The following SCNN1D variants were observed in gnomAD, a reference collection of about 807,000 sequenced individuals.
The protein encoded by SCNN1D is sodium channel epithelial 1 subunit delta.
In SCNN1D, 104 loss-of-function variants were observed where a neutral mutation model predicts 87.8. That is an observed-to-expected ratio of 1.18 (90% CI 1.01 to 1.39). SCNN1D has a LOEUF of 1.39. Among genes scored for constraint, SCNN1D ranks in the 40% most tolerant of loss-of-function variants. The probability of loss-of-function intolerance (pLI) is 0.00; values close to 1 mark genes in which losing one functional copy is unlikely to be tolerated. For synonymous variants in SCNN1D, 628 were observed against 481.2 expected, an observed-to-expected ratio of 1.31 and a Z score of -3.99; for missense variants, 1,324 against 1,093.9, an observed-to-expected ratio of 1.21 and a Z score of -2.97.
chr1:1,290,387 G>A lies in SCNN1D; in HGVS notation c.1779G>A (p.Trp593Ter), dbSNP rs772734007. The change falls in exon 13 of 18, where the codon TGG (tryptophan) becomes TGA (stop). Residue 593 changes from tryptophan (W) to a stop codon, truncating the protein, a stop_gained and splice_region_variant. Transcript: ENST00000379116. LOFTEE classifies it high-confidence loss of function. ...EYCSSARHPA[W>*]GHCFYRLYQD... is the part of the protein sequence containing the mutation. Reference sequence around the variant, plus strand: ...GCAGCTCTGCCCGGCACCCTGCCTGGGGTGAGTCCTGCTCGCTGCCTCCCA... The same window carrying A: ...GCAGCTCTGCCCGGCACCCTGCCTGAGGTGAGTCCTGCTCGCTGCCTCCCA... The A allele has an allele frequency of 4.4e-6, 7 of 1,604,138 alleles. No individual in the cohort carries two copies. The highest frequency in any genetic ancestry group is 6.0e-6 in the Non-Finnish European group (7 of 1,174,416).
intron 12 of SCNN1D, 125 bp downstream of exon 12, chr1:1,288,162 T>G: frequency 1.4e-6 from 1 of 698,222 alleles, no homozygotes; most frequent in East Asian, 2.8e-5. Flanking sequence ...GCAGTCCCCG[T>G]GGAGGCCCGC....
intron 12 of SCNN1D, among the ~76,000 whole-genome samples, 195 bp downstream of exon 12, chr1:1,288,232 CT>C (rs1188874597): frequency 4.1e-5 from 6 of 144,754 alleles, no homozygotes; most frequent in African/African-American, 8.0e-5. Context: ...CGTGTCTCTG[CT>C]CCGTCCCGTG....
rs1257587849 is a variant in SCNN1D, at chr1:1,290,478, A to G, written c.1782A>G (p.Gly594=). 6.2e-6 allele frequency: 10 copies of G among 1,612,414 alleles called. No homozygotes were observed. The East Asian group carries it at 1.1e-4, about 18-fold the overall frequency. The change falls in exon 14 of 18, where the codon GGA becomes GGG. Residue 594 remains glycine (G), a splice_region_variant and synonymous_variant. Coordinates refer to ENST00000379116, the MANE Select transcript of SCNN1D (RefSeq NM_001130413.4). ...YCSSARHPAW[G]HCFYRLYQDL... is the part of the protein sequence containing the mutation. ...ACATGCCTCTGACCCCTCCCCAAGG[A>G]CACTGCTTCTACCGCCTCTACCAGG...
intron 5 of SCNN1D, among the ~76,000 whole-genome samples, chr1:1,284,855 GC>G (rs1329644194): frequency 2.6e-5 from 4 of 152,108 alleles, no homozygotes; most frequent in African/African-American, 9.7e-5. Context: ...AGGGGTCCAG[GC>G]CCTGCCTCAC....
In SCNN1D at chr1:1,280,467, AT is replaced by A. The variant is rs1395034066; in HGVS notation, c.-194del. On this transcript the variant is annotated 5_prime_UTR_variant, in exon 1 of 18. Coordinates refer to ENST00000379116, the MANE Select transcript of SCNN1D (RefSeq NM_001130413.4). ...CGACAGCGAGACTCCATCTCAATAA[AT>A]AAAAAAAAAAAAGAGTTGTTATCAG... The A allele has an allele frequency of 1.3e-5, 6 of 474,066 alleles. No homozygotes were observed. The highest frequency in any genetic ancestry group is 4.0e-5 in the African/African-American group (2 of 50,274). The allele number at this position is 474,066 out of a possible 1,614,324, so 29.4% of individuals were successfully genotyped here. A position where few individuals can be genotyped will look rare whatever the true frequency, so the allele number is the denominator to read the frequency against.
At chr1:1,290,434 G>A (rs774809196) in intron 13 of SCNN1D, 43 bp from the exon 14 acceptor site, 18 of 1,611,524 alleles carry the variant, frequency 1.1e-5, no homozygotes, top group South Asian at 4.4e-5. Context: ...ATTAGCCGGG[G>A]GGTCACAGCG....
intron 4 of SCNN1D, among the ~76,000 whole-genome samples, chr1:1,282,779 G>C (rs1205350018): frequency 1.3e-5 from 2 of 150,618 alleles, no homozygotes; most frequent in African/African-American, 4.9e-5. Context: ...TTGAGACGGA[G>C]TCTTGCTCTG....
Position 1,291,633 on chromosome 1 carries a change from G to A in SCNN1D, c.*23G>A, listed in dbSNP as rs201798643. On this transcript the variant is annotated 3_prime_UTR_variant, in exon 18 of 18. Transcript: ENST00000379116. Reference sequence around the variant, plus strand: ...TGAACCAGACCTGCCAGGGCTGTGCGATCTCTTGGCCTGGTCCTTGCAGCT... The same window carrying A: ...TGAACCAGACCTGCCAGGGCTGTGCAATCTCTTGGCCTGGTCCTTGCAGCT... 8.0e-5 allele frequency: 118 copies of A among 1,480,662 alleles called. No homozygotes were observed. The highest frequency in any genetic ancestry group is 1.5e-4 in the South Asian group (11 of 74,480). The allele number at this position is 1,480,662 out of a possible 1,614,324, so 91.7% of individuals were successfully genotyped here.
rs967685711 is a variant in SCNN1D at position 1,280,468 on chromosome 1, T to TAAA, written c.-184_-182dup. 2.5e-5 allele frequency: 10 copies of TAAA among 392,332 alleles called. No individual in the cohort carries two copies. The highest frequency in any genetic ancestry group is 7.6e-5 in the South Asian group (2 of 26,146). The allele number at this position is 392,332 out of a possible 1,614,324, so 24.3% of individuals were successfully genotyped here. ...GACAGCGAGACTCCATCTCAATAAA[T>TAAA]AAAAAAAAAAAAGAGTTGTTATCAG... On this transcript the variant is annotated 5_prime_UTR_variant, in exon 1 of 18. Coordinates refer to ENST00000379116, the MANE Select transcript of SCNN1D (RefSeq NM_001130413.4).
At position 1,286,232 on chromosome 1, in the gene SCNN1D, C is replaced by T. The variant is rs138768742; in HGVS notation, c.865C>T (p.Arg289Cys). ...VLMAVSVHSE[R>C]KLLPLVTLCD... ...CATGGCCGTCTCTGTGCACTCGGAG[C>T]GCAAGCTGCTCCCGCTGGTCACCCT... The change falls in exon 7 of 18, where the codon CGC (arginine) becomes TGC (cysteine). Residue 289 changes from arginine (R) to cysteine (C), a missense_variant. Arg to Cys is a radical substitution (Grantham distance 180). Coordinates refer to ENST00000379116, the MANE Select transcript of SCNN1D (RefSeq NM_001130413.4). 112 of 1,595,576 alleles carry T rather than the reference C, an allele frequency of 7.0e-5. 1 individual carries two copies. Among genetic ancestry groups the T allele is most frequent in the East Asian group, 2.9e-4 (13 of 44,484 alleles).
At chr1:1,284,600 CA>C (rs1357706906) in intron 5 of SCNN1D, among the ~76,000 whole-genome samples, 8 of 151,252 alleles carry the variant, frequency 5.3e-5, no homozygotes, top group Non-Finnish European at 7.4e-5. Context: ...TGTGCTGGAC[CA>C]CGGGGGGTGC....
Position 1,287,395 on chromosome 1 carries a change from A to G in SCNN1D, c.1310+96A>G, listed in dbSNP as rs1171169159. 5.4e-6 allele frequency: 8 copies of G among 1,486,004 alleles called. No homozygotes were observed. In the African/African-American group the frequency reaches 1.1e-4, roughly 21 times the overall value. 92.1% of individuals were successfully genotyped at this position (1,486,004 alleles called of 1,614,324 possible). On this transcript the variant is annotated intron_variant, in intron 9 of 17. Transcript: ENST00000379116. ...TCTGGCTGTATGCTGGGAGCCACCC[A>G]AGGCTGGCCGGAGGAACTTTCCGCA...
Position 1,285,560 on chromosome 1 carries a change from C to T in SCNN1D, c.465-11C>T, listed in dbSNP as rs751448161. On this transcript the variant is annotated splice_polypyrimidine_tract_variant and intron_variant, in intron 5 of 17. Coordinates refer to ENST00000379116, the MANE Select transcript of SCNN1D (RefSeq NM_001130413.4). Reference sequence around the variant, plus strand: ...GCGCATGGACACGCTACCGTACTTGCCTTTGGGTAGATCGCCTGGGCCTGT... The same window carrying T: ...GCGCATGGACACGCTACCGTACTTGTCTTTGGGTAGATCGCCTGGGCCTGT... 9.9e-6 allele frequency: 15 copies of T among 1,513,976 alleles called. No homozygotes were observed. In the South Asian group the frequency reaches 1.9e-4, roughly 19 times the overall value. The allele number at this position is 1,513,976 out of a possible 1,614,324, so 93.8% of individuals were successfully genotyped here. A position where few individuals can be genotyped will look rare whatever the true frequency, so the allele number is the denominator to read the frequency against.
In SCNN1D at chr1:1,281,290, C is replaced by A. The variant is rs1271337962; in HGVS notation, c.70C>A (p.Pro24Thr). 5.7e-5 allele frequency: 87 copies of A among 1,535,666 alleles called. No individual in the cohort carries two copies. The highest frequency in any genetic ancestry group is 6.7e-5 in the Non-Finnish European group (77 of 1,146,806). ...CCTGTGGCCCGGCCACCTCAGCGGC[C>A]CAAGGAGGTGAGCTCACAGCCATGC... is the stretch of plus-strand genomic sequence containing the variant. ...RYLWPGHLSG[P>T]RRLTWSWCSD... The change falls in exon 2 of 18, where the codon CCA becomes ACA. Residue 24 changes from proline to threonine, a missense_variant. Physicochemically the swap from Pro to Thr is conservative, Grantham distance 38. Coordinates refer to ENST00000379116, the MANE Select transcript of SCNN1D (RefSeq NM_001130413.4).
At position 1,290,562 on chromosome 1, in the gene SCNN1D, CG is replaced by C. The variant is rs775951483; in HGVS notation, c.1859+12del. The stretch of plus-strand genomic sequence containing the variant: ...GCTGCCCCAGGCCCTGCAGGTGAGA[CG>C]GGGGTGTTGGGGTCGCGGCCAGGGA... On this transcript the variant is annotated splice_region_variant and intron_variant, in intron 14 of 17. Coordinates refer to ENST00000379116, the MANE Select transcript of SCNN1D (RefSeq NM_001130413.4). The C allele has an allele frequency of 6.2e-7, 1 of 1,612,576 alleles. No individual in the cohort carries two copies. The highest frequency in any genetic ancestry group is 1.1e-5 in the South Asian group (1 of 91,072).
At chr1:1,290,716 G>A (rs1404979925) in intron 15 of SCNN1D, 22 bp downstream of exon 15, 1 of 1,612,138 alleles carries the variant, frequency 6.2e-7, no homozygotes, top group African/African-American at 1.3e-5. Context: ...AAGTGGTGGG[G>A]TGGGGGTGTG....
chr1:1,284,746 A>T (rs966075090), intron 5 of SCNN1D, among the ~76,000 whole-genome samples: 3 of 152,086 alleles, frequency 2.0e-5, no homozygotes, highest in Non-Finnish European at 4.4e-5. Context: ...TGGGTTGGCC[A>T]CATGGCACGA....
chr1:1,282,033 C>T (rs2100308421), intron 3 of SCNN1D: 1 of 599,226 alleles, frequency 1.7e-6, no homozygotes, highest in Admixed American at 3.2e-5. Flanking sequence ...CACAAAGCTG[C>T]CCAGATGTGG....
chr1:1,281,306 A>C lies in SCNN1D; in HGVS notation c.77+9A>C. 3 of 1,535,764 alleles carry C rather than the reference A, an allele frequency of 2.0e-6. No homozygotes were observed. The highest frequency in any genetic ancestry group is 2.6e-6 in the Non-Finnish European group (3 of 1,146,768). On this transcript the variant is annotated intron_variant, in intron 2 of 17. Coordinates refer to ENST00000379116, the MANE Select transcript of SCNN1D (RefSeq NM_001130413.4). ...CTCAGCGGCCCAAGGAGGTGAGCTC[A>C]CAGCCATGCTCGGTCAATGGGGCCT...
Sources: allele counts gnomAD v4.1 joint callset (sites outside exome capture counted in the v4.1 genomes callset), GRCh38; gene constraint gnomAD v4.1.1; transcripts MANE v1.5; gene names NCBI Gene and HGNC (gene_info 2026-07-23, HGNC 2026-07-21).